Variants in FRMD4B observed in about 807,000 individuals in gnomAD.
FRMD4B encodes FERM domain containing 4B, also known as FERM domain-containing protein 4B.
Under a neutral mutation model 141.5 loss-of-function variants are expected in FRMD4B, and 74 were observed. The observed-to-expected ratio is 0.52, with a 90% CI of 0.43 to 0.63. The LOEUF is 0.63. Among genes scored for constraint, FRMD4B ranks in the 30% least tolerant of loss-of-function variants. The probability of loss-of-function intolerance (pLI) is 0.00; values close to 1 mark genes in which losing one functional copy is unlikely to be tolerated. For missense variants in FRMD4B, 1,366 were observed against 1,253.4 expected (o/e 1.09, Z -1.36); for synonymous variants, 506 against 467.9 (o/e 1.08, Z -1.05).
chr3:69,447,338 C>T (rs556035676), intron 1 of FRMD4B, among the ~76,000 whole-genome samples: 1 of 152,022 alleles, frequency 6.6e-6, no homozygotes, highest in African/African-American at 2.4e-5. Flanking sequence ...ATAACCAGAA[C>T]CTTGATTTGG....
chr3:69,541,792 C>G (rs945253710), intron 1 of FRMD4B, among the ~76,000 whole-genome samples: 2 of 151,074 alleles, frequency 1.3e-5, no homozygotes, highest in African/African-American at 4.9e-5. Flanking sequence ...AGGGATTTCC[C>G]CCCCCTCTTT....
intron 19 of FRMD4B, among the ~76,000 whole-genome samples, 156 bp from the exon 20 acceptor site, chr3:69,182,873 A>G (rs2092723374): frequency 6.6e-6 from 1 of 152,234 alleles, no homozygotes; most frequent in Admixed American, 6.5e-5. Flanking sequence ...TAAACCACAA[A>G]GAAAACCCGC....
intron 1 of FRMD4B, among the ~76,000 whole-genome samples, chr3:69,491,013 A>C (rs1441584236): frequency 6.6e-6 from 1 of 152,244 alleles, no homozygotes; most frequent in East Asian, 1.9e-4. Flanking sequence ...TTCCAGAAAA[A>C]TAAATTTCTC....
At chr3:69,283,966 A>AAAAC (rs1419994859) in intron 5 of FRMD4B, among the ~76,000 whole-genome samples, 3 of 109,570 alleles carry the variant, frequency 2.7e-5, no homozygotes, top group African/African-American at 6.9e-5. Context: ...AAAACAAAAC[A>AAAAC]AAACAAAACA....
At chr3:69,401,500 G>A (rs1475152713) in intron 2 of FRMD4B, among the ~76,000 whole-genome samples, 3 of 151,954 alleles carry the variant, frequency 2.0e-5, no homozygotes, top group Non-Finnish European at 2.9e-5. Context: ...GTTTATTTTG[G>A]GTTTCCTATA....
intron 7 of FRMD4B, among the ~76,000 whole-genome samples, chr3:69,237,550 C>G (rs1045849582): frequency 3.9e-5 from 6 of 152,176 alleles, no homozygotes; most frequent in African/African-American, 1.4e-4. Flanking sequence ...TGTGAGCATG[C>G]AAAGAAGGCC....
rs139020244 is a variant in FRMD4B, at chr3:69,338,499, C to T, written c.163-24982G>A. ...CACATATACACCATGGAATATTATGCAGCCATAAAAAAGTGAGAAAATGTC... is the reference window on the plus strand; with the variant it reads ...CACATATACACCATGGAATATTATGTAGCCATAAAAAAGTGAGAAAATGTC... On this transcript the variant is annotated intron_variant, in intron 1 of 22. Coordinates refer to ENST00000398540, the MANE Select transcript of FRMD4B (RefSeq NM_015123.3). 1.1e-4 allele frequency among the ~76,000 whole-genome samples: 17 copies of T among 152,228 alleles called. No individual in the cohort carries two copies. In the East Asian group the frequency reaches 3.3e-3, roughly 29 times the overall value.
rs568262629 is a variant in FRMD4B at position 69,210,539 on chromosome 3, T to C, written c.876+5724A>G. Among the ~76,000 whole-genome samples the C allele has an allele frequency of 3.9e-5, 6 of 152,284 alleles. No individual in the cohort carries two copies. The East Asian group carries it at 9.7e-4, about 24-fold the overall frequency. Reference sequence around the variant, plus strand: ...CTAAGAGTTTGCAATGACATATTCATACACAAAGGGAGGATTAAAAAGTAA... The same window carrying C: ...CTAAGAGTTTGCAATGACATATTCACACACAAAGGGAGGATTAAAAAGTAA... On this transcript the variant is annotated intron_variant, in intron 11 of 22. Transcript: ENST00000398540.
chr3:69,225,694 C>CAAAAAAAAAAAA (rs144489759), intron 7 of FRMD4B, among the ~76,000 whole-genome samples: 2 of 23,356 alleles, frequency 8.6e-5, no homozygotes, highest in African/African-American at 3.7e-4. Context: ...GACTCCGTCT[C>CAAAAAAAAAAAA]AAAAAAAAAA....
intron 22 of FRMD4B, among the ~76,000 whole-genome samples, chr3:69,174,882 C>A (rs1414561279): frequency 6.6e-6 from 1 of 152,166 alleles, no homozygotes. Flanking sequence ...AGGCTAGGCT[C>A]AAATTTTAGG....
At chr3:69,507,944 C>A (rs1273192609) in intron 1 of FRMD4B, among the ~76,000 whole-genome samples, 1 of 152,062 alleles carries the variant, frequency 6.6e-6, no homozygotes, top group Non-Finnish European at 1.5e-5. Context: ...CATGTTCCTA[C>A]GCAAGGCCAT....
rs372462211 is a variant in FRMD4B, at chr3:69,455,510, CT to C, written c.-128-22750del. On this transcript the variant is annotated intron_variant, in intron 1 of 5. Transcript: ENST00000459638. Reference sequence around the variant, plus strand: ...CTCACCGTGAAGGTCTGCAGCTTCCCTTCTGAAGCCAGCGAGACCATTAACC... The same window carrying C: ...CTCACCGTGAAGGTCTGCAGCTTCCCTCTGAAGCCAGCGAGACCATTAACC... Among the ~76,000 whole-genome samples, 526 of 152,294 alleles carry C rather than the reference CT, an allele frequency of 3.5e-3. 5 individuals are homozygous for C. The highest frequency in any genetic ancestry group is 0.012 in the African/African-American group (492 of 41,552).
At chr3:69,376,996 G>GTCCGGAGAT (rs1703989306) in intron 1 of FRMD4B, 1 of 152,026 alleles carries the variant, frequency 6.6e-6, no homozygotes, top group African/African-American at 2.4e-5. Flanking sequence ...AGTCCGGAGA[G>GTCCGGAGAT]TCCGTTCTTG....
At position 69,333,223 on chromosome 3, in the gene FRMD4B, C is replaced by T. The variant is rs76954741; in HGVS notation, c.163-19706G>A. Among the ~76,000 whole-genome samples, 1,486 of 152,282 alleles carry T rather than the reference C, an allele frequency of 9.8e-3. 34 individuals carry two copies. The highest frequency in any genetic ancestry group is 0.034 in the African/African-American group (1,398 of 41,562). ...TAAAAAAAATTGGAGAATTCTGCAACTGTCCTGGAGATAAAAATCTCTGGT... is the reference window on the plus strand; with the variant it reads ...TAAAAAAAATTGGAGAATTCTGCAATTGTCCTGGAGATAAAAATCTCTGGT... On this transcript the variant is annotated intron_variant, in intron 1 of 22. Transcript: ENST00000398540.
chr3:69,399,133 C>T (rs1307333418), intron 2 of FRMD4B, among the ~76,000 whole-genome samples: 2 of 152,220 alleles, frequency 1.3e-5, no homozygotes, highest in Non-Finnish European at 2.9e-5. Flanking sequence ...GAGCTGTCCT[C>T]AATCCACATG....
At chr3:69,481,330 G>A (rs1160849379) in intron 1 of FRMD4B, among the ~76,000 whole-genome samples, 1 of 152,108 alleles carries the variant, frequency 6.6e-6, no homozygotes, top group Non-Finnish European at 1.5e-5. Context: ...GTAGACCGGA[G>A]CTGTTCCTAT....
At chr3:69,280,173 C>T (rs2093638160) in intron 5 of FRMD4B, among the ~76,000 whole-genome samples, 1 of 152,142 alleles carries the variant, frequency 6.6e-6, no homozygotes, top group South Asian at 2.1e-4. Flanking sequence ...TTGAATGCTT[C>T]CCGGGTTCCC....
intron 5 of FRMD4B, among the ~76,000 whole-genome samples, chr3:69,276,439 AT>A (rs532062968): frequency 6.6e-6 from 1 of 151,804 alleles, no homozygotes; most frequent in East Asian, 1.9e-4. Flanking sequence ...TGCCTGGCTA[AT>A]TTTTTTTATG....
At chr3:69,350,022 C>T (rs1044824275) in intron 1 of FRMD4B, among the ~76,000 whole-genome samples, 1 of 152,128 alleles carries the variant, frequency 6.6e-6, no homozygotes, top group African/African-American at 2.4e-5. Context: ...AAACTATCAT[C>T]AGAGTGAACA....
Sources: gnomAD v4.1 joint callset for allele counts (sites outside exome capture counted in the v4.1 genomes callset) on GRCh38, gnomAD v4.1.1 for gene constraint, MANE v1.5 for transcripts, NCBI Gene and HGNC (gene_info 2026-07-23, HGNC 2026-07-21) for gene names.